Variants in C17orf78 observed in about 807,000 individuals in gnomAD.
The protein encoded by C17orf78 is uncharacterized protein C17orf78.
Under a neutral mutation model 31.8 loss-of-function variants are expected in C17orf78, and 27 were observed. The observed-to-expected ratio is 0.85, with a 90% confidence interval of 0.63 to 1.17. C17orf78 has a LOEUF of 1.17. C17orf78 is among the 50% of genes most tolerant of loss of function. The probability of loss-of-function intolerance (pLI) is 0.00; values close to 1 mark genes in which losing one functional copy is unlikely to be tolerated. For synonymous variants in C17orf78, 106 were observed against 115.1 expected, an observed-to-expected ratio of 0.92 and a Z score of 0.51; for missense variants, 258 against 315.2, an observed-to-expected ratio of 0.82 and a Z score of 1.37.
At chr17:37,382,837 C>T (rs912123435) in intron 3 of C17orf78, among the ~76,000 whole-genome samples, 7 of 151,790 alleles carry the variant, frequency 4.6e-5, no homozygotes, top group Admixed American at 1.3e-4. Context: ...TCCAGCCTGG[C>T]GACAGAGCGA....
At chr17:37,390,175 T>TATATATATACACACAC (rs60788220) in intron 6 of C17orf78, among the ~76,000 whole-genome samples, 78 of 44,466 alleles carry the variant, frequency 1.8e-3, no homozygotes, top group Non-Finnish European at 2.6e-3. Flanking sequence ...TATATATATA[T>TATATATATACACACAC]ACACACACAC....
chr17:37,386,177 T>C (rs1363767861), intron 4 of C17orf78, 52 bp downstream of exon 4: 1 of 1,213,278 alleles, frequency 8.2e-7, no homozygotes, highest in East Asian at 2.6e-5. Flanking sequence ...AGGAGTAAAA[T>C]GGGAACAGAA....
chr17:37,378,160 A>G (rs1475267352), intron 2 of C17orf78, among the ~76,000 whole-genome samples, 195 bp downstream of exon 2: 3 of 152,192 alleles, frequency 2.0e-5, no homozygotes, highest in African/African-American at 4.8e-5. Flanking sequence ...TATATTACTC[A>G]AATGGATGGA....
At chr17:37,389,111 A>G in intron 5 of C17orf78, 135 bp from the exon 6 acceptor site, 1 of 1,210,238 alleles carries the variant, frequency 8.3e-7, no homozygotes, top group East Asian at 2.6e-5. Context: ...ATTTTCTAGG[A>G]AGGATAGGTC....
At chr17:37,387,790 G>A (rs2050610911) in intron 4 of C17orf78, 1 of 152,038 alleles carries the variant, frequency 6.6e-6, no homozygotes, top group South Asian at 2.1e-4. Context: ...AATTGGCCAG[G>A]ACTAAAATTC....
At chr17:37,390,175 T>TATATATAA (rs60788220) in intron 6 of C17orf78, among the ~76,000 whole-genome samples, 1 of 44,514 alleles carries the variant, frequency 2.2e-5, no homozygotes, top group Non-Finnish European at 3.6e-5. Context: ...TATATATATA[T>TATATATAA]ACACACACAC....
At chr17:37,387,592 A>G (rs2050600358) in intron 4 of C17orf78, 1 of 151,654 alleles carries the variant, frequency 6.6e-6, no homozygotes, top group Admixed American at 6.6e-5. Flanking sequence ...GACAACAGGC[A>G]TGCACCACCA....
chr17:37,388,067 A>AGGTGGGAGGAT (rs2050626502), intron 4 of C17orf78: 1 of 152,504 alleles, frequency 6.6e-6, no homozygotes, highest in Non-Finnish European at 1.5e-5. Context: ...CAGGAGGCTA[A>AGGTGGGAGGAT]GGTGGGAGGA....
Position 37,389,762 on chromosome 17 carries a change from G to A in C17orf78, c.750+400G>A, listed in dbSNP as rs140313519. ...AGTGCTAGGAGATTCGTCCCTAAGA[G>A]GACTGTGAAAAAATATTTTTTTTAA... On this transcript the variant is annotated intron_variant, in intron 6 of 6. Transcript: ENST00000615133. 2.1e-3 allele frequency among the ~76,000 whole-genome samples: 322 copies of A among 151,986 alleles called. 1 individual carries two copies. The highest frequency in any genetic ancestry group is 7.1e-3 in the African/African-American group (294 of 41,464).
intron 3 of C17orf78, among the ~76,000 whole-genome samples, chr17:37,380,210 G>A (rs1294269755): frequency 5.4e-5 from 8 of 147,176 alleles, no homozygotes; most frequent in Non-Finnish European, 1.2e-4. Context: ...TCACTCATAG[G>A]TGGGAATTGA....
chr17:37,392,505 A>G lies in C17orf78; in HGVS notation c.*781A>G, dbSNP rs1294598689. The G allele has an allele frequency of 6.6e-6, 1 of 152,142 alleles. No homozygotes were observed. Among genetic ancestry groups the G allele is most frequent in the Non-Finnish European group, 1.5e-5 (1 of 68,024 alleles). 9.4% of individuals were successfully genotyped at this position (152,142 alleles called of 1,614,324 possible). On this transcript the variant is annotated 3_prime_UTR_variant, in exon 7 of 7. Transcript: ENST00000615133. Reference sequence around the variant, plus strand: ...AAGAGTTTGGTGAGAAAGTGAAACCACCTGATCTTGAATCAATGTTGAGGT... The same window carrying G: ...AAGAGTTTGGTGAGAAAGTGAAACCGCCTGATCTTGAATCAATGTTGAGGT...
intron 4 of C17orf78, 75 bp downstream of exon 4, chr17:37,386,200 T>C (rs1241530680): frequency 2.1e-6 from 2 of 967,708 alleles, no homozygotes; most frequent in African/African-American, 3.3e-5. Context: ...GAAACATTTT[T>C]AGCCCCAGCG....
chr17:37,379,049 G>A, intron 2 of C17orf78, 88 bp from the exon 3 acceptor site: 2 of 1,437,496 alleles, frequency 1.4e-6, no homozygotes, highest in Non-Finnish European at 1.9e-6. Context: ...TCCAGCTTGG[G>A]TGACAGAGCA....
In C17orf78 at chr17:37,376,004, G is replaced by C. The variant is rs1203963944; in HGVS notation, c.-89G>C. The C allele has an allele frequency of 1.8e-6, 2 of 1,127,664 alleles. No homozygotes were observed. The highest frequency in any genetic ancestry group is 1.3e-5 in the South Asian group (1 of 76,996). The allele number at this position is 1,127,664 out of a possible 1,614,324, so 69.9% of individuals were successfully genotyped here. On this transcript the variant is annotated 5_prime_UTR_variant, in exon 1 of 7. Coordinates refer to ENST00000615133, the MANE Select transcript of C17orf78 (RefSeq NM_173625.5). ...CAGGGTCAAACTTGGTTCCAGCTGCGTGTGGTGAAAGCAACTAGAGGCAGA... is the reference window on the plus strand; with the variant it reads ...CAGGGTCAAACTTGGTTCCAGCTGCCTGTGGTGAAAGCAACTAGAGGCAGA...
chr17:37,379,079 C>T (rs1019549775), intron 2 of C17orf78, 58 bp from the exon 3 acceptor site: 1 of 1,542,026 alleles, frequency 6.5e-7, no homozygotes, highest in African/African-American at 1.4e-5. Context: ...CTCAAAAAAA[C>T]CAACCAAACA....
At chr17:37,383,098 TA>T (rs1360004421) in intron 3 of C17orf78, among the ~76,000 whole-genome samples, 3 of 152,180 alleles carry the variant, frequency 2.0e-5, no homozygotes, top group African/African-American at 7.2e-5. Context: ...TAATGCAAAT[TA>T]ATTAAATCCA....
At chr17:37,380,742 T>C (rs972294287) in intron 3 of C17orf78, among the ~76,000 whole-genome samples, 1 of 151,774 alleles carries the variant, frequency 6.6e-6, no homozygotes, top group African/African-American at 2.4e-5. Flanking sequence ...GGATTACAGG[T>C]GTCTGCCACC....
At chr17:37,382,849 A>T (rs946797855) in intron 3 of C17orf78, among the ~76,000 whole-genome samples, 2 of 151,936 alleles carry the variant, frequency 1.3e-5, no homozygotes, top group Non-Finnish European at 2.9e-5. Flanking sequence ...ACAGAGCGAG[A>T]CTCTGTCTCA....
intron 3 of C17orf78, among the ~76,000 whole-genome samples, chr17:37,381,478 G>C (rs548227608): frequency 6.6e-6 from 1 of 151,204 alleles, no homozygotes; most frequent in African/African-American, 2.4e-5. Flanking sequence ...TAGCCACTGC[G>C]CCTGGCCAAT....
Sources: allele counts gnomAD v4.1 joint callset (sites outside exome capture counted in the v4.1 genomes callset), GRCh38; gene constraint gnomAD v4.1.1; transcripts MANE v1.5; gene names NCBI Gene and HGNC (gene_info 2026-07-23, HGNC 2026-07-21).